Variants in BANF2 observed in about 807,000 individuals in gnomAD.
The protein encoded by BANF2 is BANF family member 2.
BANF2 carries 4 observed loss-of-function variants against 8.0 expected under a neutral mutation model. The ratio of observed to expected loss-of-function variants is 0.50; its 90% confidence interval spans 0.25 to 1.14. The LOEUF (loss-of-function observed/expected upper bound fraction) is 1.14. Ranked by LOEUF, BANF2 falls within the 50% of genes most tolerant of loss-of-function variation. BANF2 has a pLI of 0.16. For synonymous variants in BANF2, 50 were observed against 40.6 expected (o/e 1.23, Z -0.88); for missense variants, 96 against 107.5 (o/e 0.89, Z 0.47).
chr20:17,707,740 C>T (rs551696243), intron 1 of BANF2, among the ~76,000 whole-genome samples: 28 of 151,928 alleles, frequency 1.8e-4, no homozygotes, highest in South Asian at 6.2e-4. Context: ...CCACCACACC[C>T]GGCTAATTTT....
At chr20:17,720,225 A>G (rs1417865717) in intron 1 of BANF2, among the ~76,000 whole-genome samples, 2 of 152,238 alleles carry the variant, frequency 1.3e-5, no homozygotes, top group Admixed American at 1.3e-4. Context: ...CAGCAATTTC[A>G]CTTCTGGGTA....
In BANF2 at chr20:17,722,586, A is replaced by C. The variant is rs569785111; in HGVS notation, c.-166-130A>C. The C allele has an allele frequency of 2.5e-3, 777 of 310,730 alleles. 6 individuals are homozygous for C. Among genetic ancestry groups the C allele is most frequent in the Non-Finnish European group, 3.3e-3 (697 of 213,408 alleles). The allele number at this position is 310,730 out of a possible 1,614,324, so 19.2% of individuals were successfully genotyped here. On this transcript the variant is annotated intron_variant, in intron 1 of 3. Transcript: ENST00000246090. Reference sequence around the variant, plus strand: ...GTACTTACGAAACATATTTTCACAGATGAAGAGTGAGATTCCTATTTAGCT... The same window carrying C: ...GTACTTACGAAACATATTTTCACAGCTGAAGAGTGAGATTCCTATTTAGCT...
chr20:17,694,072 C>T lies in BANF2; in HGVS notation c.18+366C>T, dbSNP rs188809639. Reference sequence around the variant, plus strand: ...GAACTGAATACATACAACGTGTGGCCTAATTGTCAATAAGTACTTGTTCGT... The same window carrying T: ...GAACTGAATACATACAACGTGTGGCTTAATTGTCAATAAGTACTTGTTCGT... On this transcript the variant is annotated intron_variant, in intron 1 of 2. Transcript: ENST00000545418. Among the ~76,000 whole-genome samples the T allele has an allele frequency of 2.0e-5, 3 of 152,190 alleles. No homozygotes were observed. The South Asian group carries it at 6.2e-4, about 32-fold the overall frequency.
intron 1 of BANF2, among the ~76,000 whole-genome samples, chr20:17,701,286 C>A (rs570178023): frequency 2.0e-5 from 3 of 152,300 alleles, no homozygotes; most frequent in African/African-American, 7.2e-5. Context: ...AGAAAGGGAG[C>A]AAACGCTGAA....
At chr20:17,696,624 A>T (rs1360390198), upstream of BANF2, among the ~76,000 whole-genome samples, 5 of 152,146 alleles carry the variant, frequency 3.3e-5, no homozygotes, top group Non-Finnish European at 7.3e-5. Context: ...AGAACTAAAG[A>T]CTGTTTGAGG....
At chr20:17,734,318 G>A (rs777159357) in intron 3 of BANF2, among the ~76,000 whole-genome samples, 127 of 152,222 alleles carry the variant, frequency 8.3e-4, no homozygotes, top group Non-Finnish European at 1.3e-3. Flanking sequence ...ACGTGGACAA[G>A]GTTTAGCATG....
intron 1 of BANF2, among the ~76,000 whole-genome samples, chr20:17,718,236 A>G (rs947621718): frequency 6.6e-6 from 1 of 152,014 alleles, no homozygotes; most frequent in Non-Finnish European, 1.5e-5. Context: ...ATGGAGTCTC[A>G]CTCTGTTGCC....
chr20:17,720,882 C>A (rs2037718200), intron 1 of BANF2, among the ~76,000 whole-genome samples: 1 of 152,196 alleles, frequency 6.6e-6, no homozygotes, highest in African/African-American at 2.4e-5. Context: ...GAAGTGAGGT[C>A]TGTGGGCCAG....
At chr20:17,717,208 C>T (rs1303320691) in intron 1 of BANF2, among the ~76,000 whole-genome samples, 1 of 152,132 alleles carries the variant, frequency 6.6e-6, no homozygotes, top group Non-Finnish European at 1.5e-5. Flanking sequence ...CCATCATCCT[C>T]TCACTGTAGA....
At chr20:17,722,303 CA>C (rs2037744069) in intron 1 of BANF2, among the ~76,000 whole-genome samples, 2 of 152,208 alleles carry the variant, frequency 1.3e-5, no homozygotes, top group African/African-American at 4.8e-5. Flanking sequence ...GCATTGATAG[CA>C]ATGTTGTAGT....
At chr20:17,713,307 G>A (rs559134508) in intron 1 of BANF2, among the ~76,000 whole-genome samples, 22 of 152,180 alleles carry the variant, frequency 1.4e-4, no homozygotes, top group Non-Finnish European at 2.1e-4. Flanking sequence ...TGCACCTTGA[G>A]GACATCAAGC....
chr20:17,715,082 A>G (rs1467325813), intron 1 of BANF2, among the ~76,000 whole-genome samples: 4 of 152,206 alleles, frequency 2.6e-5, no homozygotes, highest in Non-Finnish European at 5.9e-5. Flanking sequence ...GACAGGCCCA[A>G]TGTCGCTCTG....
At chr20:17,699,729 CA>C (rs2122561054), upstream of BANF2, among the ~76,000 whole-genome samples, 1 of 152,288 alleles carries the variant, frequency 6.6e-6, no homozygotes, top group East Asian at 1.9e-4. Flanking sequence ...AGCAGTCTTC[CA>C]GGCTGATGTT....
At chr20:17,718,131 C>G (rs2037681464) in intron 1 of BANF2, among the ~76,000 whole-genome samples, 1 of 152,068 alleles carries the variant, frequency 6.6e-6, no homozygotes, top group African/African-American at 2.4e-5. Flanking sequence ...TTGCATTTTT[C>G]CCATTGACCT....
chr20:17,725,019 G>T lies in BANF2; in HGVS notation c.-3-4G>T, dbSNP rs2296905. On this transcript the variant is annotated splice_region_variant and splice_polypyrimidine_tract_variant and intron_variant, in intron 2 of 3. Transcript: ENST00000246090. The stretch of plus-strand genomic sequence containing the variant: ...ATCCTCCTCTCTCCCCACTGCTGTC[G>T]CAGGAGATGGACAACATGTCTCCCA... 6.2e-7 allele frequency: 1 copy of T among 1,601,990 alleles called. No homozygotes were observed. The highest frequency in any genetic ancestry group is 1.3e-5 in the African/African-American group (1 of 74,686).
rs554945297 is a variant in BANF2, at chr20:17,693,712, G to A, written c.18+6G>A. Reference sequence around the variant, plus strand: ...GAATGCTGCGAGGAACAAAGGTAAGGCAGATTGGTCTGACTTCCTTGCTCA... The same window carrying A: ...GAATGCTGCGAGGAACAAAGGTAAGACAGATTGGTCTGACTTCCTTGCTCA... On this transcript the variant is annotated splice_donor_region_variant and intron_variant, in intron 1 of 2. Coordinates refer to the BANF2 transcript ENST00000545418. The A allele has an allele frequency of 7.7e-6, 12 of 1,551,446 alleles. No homozygotes were observed. In the East Asian group the frequency reaches 2.9e-4, roughly 38 times the overall value.
intron 3 of BANF2, 70 bp from the exon 4 acceptor site, chr20:17,735,595 A>T: frequency 6.6e-7 from 1 of 1,515,096 alleles, no homozygotes; most frequent in Non-Finnish European, 9.1e-7. Flanking sequence ...GTTGCTGGGA[A>T]GGAAGAGCGC....
In BANF2 at chr20:17,735,709, A is replaced by C. The variant is rs2037967813; in HGVS notation, c.171A>C (p.Glu57Asp). ...AATTCCTTCTGATGCACAAGAATGA[A>C]GCCGAGTTTCAGAGGTGGCTCATTT... is the stretch of plus-strand genomic sequence containing the variant. ...LGQFLLMHKN[E>D]AEFQRWLICC... Residue 57 changes from glutamate (E) to aspartate (D), a missense_variant, in exon 4 of 4, where the codon GAA becomes GAC. By Grantham distance (45) the Glu-to-Asp change is conservative (BLOSUM62 2). Coordinates refer to ENST00000246090, the MANE Select transcript of BANF2 (RefSeq NM_178477.5). 1.2e-6 allele frequency: 2 copies of C among 1,613,902 alleles called. No individual in the cohort carries two copies. Among genetic ancestry groups the C allele is most frequent in the Non-Finnish European group, 1.7e-6 (2 of 1,179,808 alleles).
intron 1 of BANF2, among the ~76,000 whole-genome samples, chr20:17,721,989 A>G (rs2037736941): frequency 1.3e-5 from 2 of 152,202 alleles, no homozygotes; most frequent in Non-Finnish European, 2.9e-5. Flanking sequence ...ACTAGAGCCA[A>G]TAGTCCTTCC....
Sources: allele counts gnomAD v4.1 joint callset (sites outside exome capture counted in the v4.1 genomes callset), GRCh38; gene constraint gnomAD v4.1.1; transcripts MANE v1.5; gene names NCBI Gene and HGNC (gene_info 2026-07-23, HGNC 2026-07-21).